The following TRAF3IP1 variants were observed in gnomAD, a reference collection of about 807,000 sequenced individuals.
The protein encoded by TRAF3IP1 is intraflagellar transport 54, also known as TRAF3-interacting protein 1.
Under a neutral mutation model 89.9 loss-of-function variants are expected in TRAF3IP1, and 53 were observed. The observed-to-expected ratio is 0.59, with a 90% CI of 0.47 to 0.74. The LOEUF (loss-of-function observed/expected upper bound fraction) is 0.74. Among genes scored for constraint, TRAF3IP1 ranks in the 30% least tolerant of loss-of-function variants. The probability of loss-of-function intolerance (pLI) is 0.00; values close to 1 mark genes in which losing one functional copy is unlikely to be tolerated. For synonymous variants in TRAF3IP1, 311 were observed against 322.1 expected, an observed-to-expected ratio of 0.97 and a Z score of 0.37; for missense variants, 806 against 866.1, an observed-to-expected ratio of 0.93 and a Z score of 0.87.
At chr2:238,327,566 A>G (rs1411458946) in intron 3 of TRAF3IP1, among the ~76,000 whole-genome samples, 2 of 152,206 alleles carry the variant, frequency 1.3e-5, no homozygotes, top group African/African-American at 4.8e-5. Flanking sequence ...TTTTTTACCC[A>G]TAATTTTATT....
rs1700476406 is a variant in TRAF3IP1 at position 238,379,967 on chromosome 2, T to C, written c.1690-17492T>C. Among the ~76,000 whole-genome samples the C allele has an allele frequency of 1.3e-5, 2 of 152,352 alleles. No homozygotes were observed. Among genetic ancestry groups the C allele is most frequent in the Non-Finnish European group, 2.9e-5 (2 of 68,028 alleles). On this transcript the variant is annotated intron_variant, in intron 15 of 16. Transcript: ENST00000373327. This position sits in a 1 kb window ranked among gnomAD's most constrained non-coding sequence, Gnocchi z 4.0. ...CCAGCATTGATGGAGAAAGACAATT[T>C]TAAAGTCCATTTTAAAACTTAGATT... is the stretch of plus-strand genomic sequence containing the variant.
At chr2:238,325,410 G>A (rs771710670) in intron 2 of TRAF3IP1, 36 bp downstream of exon 2, 8 of 1,608,776 alleles carry the variant, frequency 5.0e-6, no homozygotes, top group Non-Finnish European at 6.8e-6. Flanking sequence ...TTGACTCCTC[G>A]CCTTAACGGA....
Position 238,347,488 on chromosome 2 carries a change from C to G in TRAF3IP1, c.1282+13C>G. ...ACCAGTGATGCAGGTGAGGAATGGC[C>G]TTAGATACCTGTGTGTCATATCAAT... On this transcript the variant is annotated intron_variant, in intron 10 of 16. Coordinates refer to ENST00000373327, the MANE Select transcript of TRAF3IP1 (RefSeq NM_015650.4). The G allele has an allele frequency of 6.2e-7, 1 of 1,613,832 alleles. No homozygotes were observed. Among genetic ancestry groups the G allele is most frequent in the Non-Finnish European group, 8.5e-7 (1 of 1,179,852 alleles).
At chr2:238,392,658 G>GC (rs200605767) in intron 15 of TRAF3IP1, among the ~76,000 whole-genome samples, 4 of 151,250 alleles carry the variant, frequency 2.6e-5, no homozygotes, top group South Asian at 2.1e-4. Flanking sequence ...CTGCAACCTC[G>GC]CCCCCCCACC....
chr2:238,355,828 G>T (rs147784064), intron 14 of TRAF3IP1, among the ~76,000 whole-genome samples, 176 bp from the exon 15 acceptor site: 32 of 152,246 alleles, frequency 2.1e-4, no homozygotes, highest in African/African-American at 7.7e-4. Context: ...TCCACTACCA[G>T]CTGTCTATCA....
chr2:238,376,985 G>A (rs1000648146), intron 15 of TRAF3IP1, among the ~76,000 whole-genome samples: 2 of 152,152 alleles, frequency 1.3e-5, no homozygotes, highest in Non-Finnish European at 2.9e-5. Flanking sequence ...GTCCGGGGCC[G>A]TATGAGTGGT....
At chr2:238,338,944 G>C (rs965807307) in intron 8 of TRAF3IP1, among the ~76,000 whole-genome samples, 5 of 152,188 alleles carry the variant, frequency 3.3e-5, no homozygotes, top group Non-Finnish European at 5.9e-5. Flanking sequence ...TGCCTCAGAG[G>C]GGGTGGTCCT....
At chr2:238,385,674 G>A (rs770949227) in intron 15 of TRAF3IP1, among the ~76,000 whole-genome samples, 3 of 152,180 alleles carry the variant, frequency 2.0e-5, no homozygotes, top group African/African-American at 4.8e-5. Flanking sequence ...CAGTTTTTCC[G>A]TGGACTGCTA....
At chr2:238,328,858 A>G (rs775720923) in intron 4 of TRAF3IP1, 29 bp downstream of exon 4, 1 of 1,603,604 alleles carries the variant, frequency 6.2e-7, no homozygotes, top group East Asian at 2.2e-5. Flanking sequence ...ATCTTTGAAA[A>G]TGAAATAGTG....
intron 14 of TRAF3IP1, among the ~76,000 whole-genome samples, chr2:238,354,975 A>G (rs1187142071): frequency 6.6e-6 from 1 of 150,914 alleles, no homozygotes; most frequent in Non-Finnish European, 1.5e-5. Flanking sequence ...TTTGGTAGGT[A>G]TGTCTGCCTG....
intron 1 of TRAF3IP1, among the ~76,000 whole-genome samples, chr2:238,323,535 G>GA (rs1697666218): frequency 6.6e-6 from 1 of 152,218 alleles, no homozygotes; most frequent in South Asian, 2.1e-4. Context: ...GGTGTGGAAT[G>GA]AAAACTCCTA....
intron 1 of TRAF3IP1, among the ~76,000 whole-genome samples, chr2:238,322,112 G>A (rs535958118): frequency 6.6e-6 from 1 of 152,242 alleles, no homozygotes; most frequent in Non-Finnish European, 1.5e-5. Context: ...GGATAGCCCG[G>A]TGGGAGGGGG....
intron 1 of TRAF3IP1, 100 bp downstream of exon 1, chr2:238,320,885 C>T (rs1697497899): frequency 2.5e-5 from 27 of 1,070,754 alleles, no homozygotes; most frequent in Non-Finnish European, 2.9e-5. Flanking sequence ...GAGCCGGGCT[C>T]GGGCTCAGGT....
rs1324607801 is a variant in TRAF3IP1, at chr2:238,379,950, G to T, written c.1690-17509G>T. 1.3e-5 allele frequency among the ~76,000 whole-genome samples: 2 copies of T among 152,198 alleles called. No homozygotes were observed. Among genetic ancestry groups the T allele is most frequent in the African/African-American group, 4.8e-5 (2 of 41,456 alleles). On this transcript the variant is annotated intron_variant, in intron 15 of 16. Transcript: ENST00000373327. The surrounding 1 kb of genome is among the most constrained non-coding windows in gnomAD (Gnocchi z 4.0). ...CACCTCACTGGCCATTTCCAGCATT[G>T]ATGGAGAAAGACAATTTTAAAGTCC...
intron 5 of TRAF3IP1, among the ~76,000 whole-genome samples, chr2:238,332,443 G>C (rs184376570): frequency 6.6e-6 from 1 of 152,176 alleles, no homozygotes; most frequent in Non-Finnish European, 1.5e-5. Flanking sequence ...CAGTTTCTCC[G>C]TGGGTGTTGG....
rs6707512 is a variant in TRAF3IP1 at position 238,351,866 on chromosome 2, T to C, written c.1452-961T>C. 0.64 allele frequency among the ~76,000 whole-genome samples: 82,022 copies of C among 127,252 alleles called. 24,183 individuals are homozygous for C. Among genetic ancestry groups the C allele is most frequent in the Middle Eastern group, 0.72 (181 of 252 alleles). 83.5% of individuals were successfully genotyped at this position (127,252 alleles called of 152,430 possible). The stretch of plus-strand genomic sequence containing the variant: ...GTGTGTGTGTGTGTGTGTGTGTGTG[T>C]GCGCGCGCGCGCGTGTGCGTGCATG... On this transcript the variant is annotated intron_variant, in intron 12 of 16. Transcript: ENST00000373327. The surrounding 1 kb of genome is among the most constrained non-coding windows in gnomAD (Gnocchi z 5.2).
intron 2 of TRAF3IP1, 33 bp from the exon 3 acceptor site, chr2:238,325,776 G>A (rs1463189890): frequency 1.9e-6 from 3 of 1,592,322 alleles, no homozygotes; most frequent in African/African-American, 2.7e-5. Context: ...TCAAAGTATT[G>A]TAATATTTGT....
chr2:238,322,791 C>G (rs1697622644), intron 1 of TRAF3IP1, among the ~76,000 whole-genome samples: 1 of 150,506 alleles, frequency 6.6e-6, no homozygotes, highest in African/African-American at 2.4e-5. Context: ...CTGGTCTGCT[C>G]TTCTCCCATA....
At chr2:238,331,834 C>T (rs1425708576) in intron 5 of TRAF3IP1, among the ~76,000 whole-genome samples, 2 of 152,226 alleles carry the variant, frequency 1.3e-5, no homozygotes, top group Non-Finnish European at 2.9e-5. Flanking sequence ...GCTGGGGAGG[C>T]AAGAGACTCA....
Sources: gnomAD v4.1 joint callset for allele counts (sites outside exome capture counted in the v4.1 genomes callset) on GRCh38, gnomAD v4.1.1 for gene constraint, Gnocchi (gnomAD v3.1) non-coding constraint, MANE v1.5 for transcripts, NCBI Gene and HGNC (gene_info 2026-07-23, HGNC 2026-07-21) for gene names.